ENO4: variants seen among roughly 807,000 people sequenced by gnomAD.
ENO4 encodes enolase 4.
ENO4 carries 53 observed loss-of-function variants against 63.2 expected under a neutral mutation model. The observed-to-expected ratio is 0.84, with a 90% CI of 0.67 to 1.05. ENO4 has a LOEUF of 1.05. Ranked by LOEUF, ENO4 falls within the 50% of genes least tolerant of loss-of-function variation. The probability of loss-of-function intolerance (pLI) is 0.00; values close to 1 mark genes in which losing one functional copy is unlikely to be tolerated. For synonymous variants in ENO4, 266 were observed against 283.8 expected, an observed-to-expected ratio of 0.94 and a Z score of 0.63; for missense variants, 719 against 772.0, an observed-to-expected ratio of 0.93 and a Z score of 0.81.
At chr10:116,901,527 T>C (rs1847735930) in intron 10 of ENO4, 1 of 985,236 alleles carries the variant, frequency 1.0e-6, no homozygotes, top group Non-Finnish European at 1.2e-6. Context: ...AAGAACCTGA[T>C]TACCAAACCA....
At chr10:116,886,097 A>G (rs41284382), downstream of ENO4, 2,729 of 530,182 alleles carry the variant, frequency 5.1e-3, 14 homozygotes, top group Non-Finnish European at 6.6e-3. Flanking sequence ...CATACTTAAT[A>G]CAGTAACTAG....
intron 10 of ENO4, chr10:116,902,056 A>G: frequency 5.6e-6 from 6 of 1,075,972 alleles, no homozygotes; most frequent in Non-Finnish European, 7.9e-6. Flanking sequence ...CAAGAAGTGA[A>G]AAGGCCAAGT....
At chr10:116,903,825 C>T (rs1287888646) in intron 10 of ENO4, among the ~76,000 whole-genome samples, 2 of 152,098 alleles carry the variant, frequency 1.3e-5, no homozygotes, top group Non-Finnish European at 2.9e-5. Flanking sequence ...AGCTACAGCT[C>T]TTATATTTTT....
rs148406955 is a variant in ENO4, at chr10:116,863,057, A to C, written c.990+205A>C. Among the ~76,000 whole-genome samples, 35 of 152,288 alleles carry C rather than the reference A, an allele frequency of 2.3e-4. No homozygotes were observed. In the East Asian group the frequency reaches 6.6e-3, roughly 29 times the overall value. ...TAATGGTACTTAACAATCTCATTTC[A>C]ATTTCTGGGGCAACTGGCTTTGTGC... On this transcript the variant is annotated intron_variant, in intron 7 of 13. Transcript: ENST00000341276.
Position 116,876,171 on chromosome 10 carries a change from T to A in ENO4, c.1448T>A (p.Ile483Asn), listed in dbSNP as rs1363224721. The part of the protein sequence containing the change: ...SISKLLEQGN[I>N]SIPKSNGLII... The stretch of plus-strand genomic sequence containing the variant: ...TCTAAACTTCTAGAGCAAGGAAACA[T>A]CAGCATCCCCAAATCCAATGGGCTG... The change falls in exon 11 of 14, where the codon ATC becomes AAC. Residue 483 changes from isoleucine (I) to asparagine (N), a missense_variant. Physicochemically the swap from Ile to Asn is moderately radical, Grantham distance 149. Coordinates refer to ENST00000341276, the MANE Select transcript of ENO4 (RefSeq NM_001242699.2). The A allele has an allele frequency of 6.4e-7, 1 of 1,550,684 alleles. No individual in the cohort carries two copies. Among genetic ancestry groups the A allele is most frequent in the Admixed American group, 2.0e-5 (1 of 50,982 alleles).
chr10:116,902,303 T>C (rs562739558), intron 10 of ENO4, among the ~76,000 whole-genome samples: 35 of 152,278 alleles, frequency 2.3e-4, no homozygotes, highest in African/African-American at 7.5e-4. Context: ...ACTCGAACCA[T>C]TTCGCCTCTC....
chr10:116,901,483 G>C (rs2133324092), intron 10 of ENO4: 1 of 985,054 alleles, frequency 1.0e-6, no homozygotes. Context: ...TCCTGACGCA[G>C]AGTCTGTATC....
chr10:116,906,637 T>A (rs1219506568), intron 10 of ENO4: 3 of 1,612,120 alleles, frequency 1.9e-6, no homozygotes, highest in Non-Finnish European at 2.5e-6. Context: ...TACTGCTATC[T>A]GCTTCTGCTG....
At chr10:116,911,656 A>G (rs1231510599) in exon 11 of ENO4, 5 of 1,569,122 alleles carry the variant, frequency 3.2e-6, no homozygotes, top group Non-Finnish European at 4.3e-6. Flanking sequence ...GCACGATCAA[A>G]TAAACTGGCC....
intron 10 of ENO4, chr10:116,900,520 G>A: frequency 2.0e-6 from 3 of 1,523,038 alleles, no homozygotes; most frequent in Non-Finnish European, 2.6e-6. Context: ...AGGAGTTGCA[G>A]TATTTTCTGA....
chr10:116,889,772 T>G (rs1229736778), intron 10 of ENO4, among the ~76,000 whole-genome samples: 5 of 152,222 alleles, frequency 3.3e-5, no homozygotes, highest in African/African-American at 1.2e-4. Context: ...TTTCATTCTT[T>G]CCGAATCCGT....
chr10:116,902,059 G>C (rs1256764119), intron 10 of ENO4: 13 of 1,035,140 alleles, frequency 1.3e-5, no homozygotes, highest in Non-Finnish European at 1.8e-5. Context: ...GAAGTGAAAA[G>C]GCCAAGTTTG....
At chr10:116,868,911 G>A (rs1450371257) in intron 8 of ENO4, among the ~76,000 whole-genome samples, 2 of 152,152 alleles carry the variant, frequency 1.3e-5, no homozygotes, top group Non-Finnish European at 2.9e-5. Flanking sequence ...ACCATCGCTG[G>A]CAGCAGCTGT....
At chr10:116,849,833 T>C in intron 1 of ENO4, 102 bp downstream of exon 1, 1 of 1,329,788 alleles carries the variant, frequency 7.5e-7, no homozygotes, top group Non-Finnish European at 1.0e-6. Context: ...GAATCTCGCA[T>C]GCCAGCCGCC....
At chr10:116,871,096 A>C in intron 8 of ENO4, 29 bp from the exon 9 acceptor site, 1 of 1,548,030 alleles carries the variant, frequency 6.5e-7, no homozygotes, top group Non-Finnish European at 8.7e-7. Context: ...TGCTGTATTG[A>C]CATGGATCAT....
In ENO4 at chr10:116,893,729, C is replaced by A. The variant is rs1847420670; in HGVS notation, c.1194+13743C>A. 2.0e-5 allele frequency among the ~76,000 whole-genome samples: 3 copies of A among 152,078 alleles called. No homozygotes were observed. In the South Asian group the frequency reaches 6.2e-4, roughly 32 times the overall value. On this transcript the variant is annotated intron_variant, in intron 10 of 10. Coordinates refer to the ENO4 transcript ENST00000369207. Reference sequence around the variant, plus strand: ...TAGTCTCCATTTGAACAAAACATGACCCCAAACCTCTCTTAAGGAATGGTT... The same window carrying A: ...TAGTCTCCATTTGAACAAAACATGAACCCAAACCTCTCTTAAGGAATGGTT...
intron 10 of ENO4, among the ~76,000 whole-genome samples, chr10:116,910,249 T>TA (rs1006083102): frequency 1.3e-4 from 20 of 152,104 alleles, no homozygotes; most frequent in Admixed American, 4.6e-4. Context: ...GCTCTACTTT[T>TA]AAAAAAACTT....
In ENO4 at chr10:116,876,224, A is replaced by G. The variant is rs1846830265; in HGVS notation, c.1501A>G (p.Met501Val). The stretch of plus-strand genomic sequence containing the variant: ...CATAAAACACACAAACCAAACTACA[A>G]TGTCTGACTTGGTGGAAATAACCAA... ...LIIKHTNQTTMSDLVEITNLI... is the reference protein window; with the variant it reads ...LIIKHTNQTTVSDLVEITNLI... The change falls in exon 11 of 14, where the codon ATG becomes GTG. Residue 501 changes from methionine (M) to valine (V), a missense_variant. Physicochemically the swap from Met to Val is conservative, Grantham distance 21. Around this residue, in one of 3 missense-constraint regions of ENO4, gnomAD observed 168 missense variants for 163.3 expected, o/e 1.03. Coordinates refer to ENST00000341276, the MANE Select transcript of ENO4 (RefSeq NM_001242699.2). The G allele has an allele frequency of 6.5e-7, 1 of 1,548,740 alleles. No homozygotes were observed. The highest frequency in any genetic ancestry group is 8.7e-7 in the Non-Finnish European group (1 of 1,146,412).
At chr10:116,859,271 T>C in intron 4 of ENO4, 133 bp downstream of exon 4, 3 of 998,618 alleles carry the variant, frequency 3.0e-6, no homozygotes, top group Non-Finnish European at 4.1e-6. Context: ...CCATCCATCC[T>C]ATGCCACATC....
Sources: allele counts gnomAD v4.1 joint callset (sites outside exome capture counted in the v4.1 genomes callset), GRCh38; gene constraint gnomAD v4.1.1; regional missense constraint gnomAD v4.1.1; transcripts MANE v1.5; gene names NCBI Gene and HGNC (gene_info 2026-07-23, HGNC 2026-07-21).